STAU2: variants seen among roughly 807,000 people sequenced by gnomAD.
STAU2 encodes the protein staufen double-stranded RNA binding protein 2, also known as double-stranded RNA-binding protein Staufen homolog 2.
A neutral mutation model predicts 65.9 loss-of-function variants in STAU2; 20 were observed. The ratio of observed to expected loss-of-function variants is 0.30; its 90% CI spans 0.21 to 0.44. The LOEUF (loss-of-function observed/expected upper bound fraction) is 0.44, where lower values mean the gene tolerates loss of function less well. Among genes scored for constraint, STAU2 ranks in the 20% least tolerant of loss-of-function variants. The probability of loss-of-function intolerance (pLI) is 1.00; values close to 1 mark genes in which losing one functional copy is unlikely to be tolerated. For missense variants in STAU2, 558 were observed against 683.9 expected, an observed-to-expected ratio of 0.82 and a Z score of 2.05; for synonymous variants, 232 against 233.9, an observed-to-expected ratio of 0.99 and a Z score of 0.07.
At chr8:73,626,240 T>C (rs1420276423) in intron 6 of STAU2, among the ~76,000 whole-genome samples, 2 of 152,170 alleles carry the variant, frequency 1.3e-5, no homozygotes, top group South Asian at 2.1e-4. Context: ...GGCATGGAAA[T>C]GCCAGAAAGA....
chr8:73,601,910 C>A (rs1811656166), intron 10 of STAU2, among the ~76,000 whole-genome samples: 1 of 151,966 alleles, frequency 6.6e-6, no homozygotes, highest in Non-Finnish European at 1.5e-5. Context: ...AGTATATGTT[C>A]CAGAATTCTT....
intron 13 of STAU2, among the ~76,000 whole-genome samples, chr8:73,512,116 T>C (rs933361999): frequency 1.3e-5 from 2 of 152,234 alleles, no homozygotes; most frequent in African/African-American, 2.4e-5. Flanking sequence ...GATCTACATG[T>C]CTATCCTTAA....
rs138246870 is a variant in STAU2, at chr8:73,617,934, G to C, written c.411-483C>G. ...AGCAGATTCAGCATAAGAATAAGGA[G>C]TTTAGGCCAGTTCTTAAGCAGGAAG... On this transcript the variant is annotated intron_variant, in intron 6 of 14. Coordinates refer to ENST00000524300, the MANE Select transcript of STAU2 (RefSeq NM_001164380.2). Among the ~76,000 whole-genome samples the C allele has an allele frequency of 1.3e-3, 191 of 152,302 alleles. 2 individuals carry two copies. The highest frequency in any genetic ancestry group is 4.0e-3 in the African/African-American group (167 of 41,544).
chr8:73,519,170 G>A (rs1209268838), intron 13 of STAU2, among the ~76,000 whole-genome samples: 4 of 152,160 alleles, frequency 2.6e-5, no homozygotes, highest in South Asian at 2.1e-4. Context: ...AAGCAAAGCC[G>A]CTGAAGTTCA....
intron 13 of STAU2, among the ~76,000 whole-genome samples, chr8:73,471,848 G>A (rs1178172065): frequency 4.1e-5 from 6 of 144,764 alleles, no homozygotes; most frequent in South Asian, 2.1e-4. Flanking sequence ...GAGAGAAGAA[G>A]GAGAAGGAGA....
rs202063687 is a variant in STAU2 at position 73,552,351 on chromosome 8, A to C, written c.1223-32T>G. Reference sequence around the variant, plus strand: ...ATAAAATGAAGAACACTGTTATTACACTTAAAATAACCGAAATAGAAACAT... The same window carrying C: ...ATAAAATGAAGAACACTGTTATTACCCTTAAAATAACCGAAATAGAAACAT... On this transcript the variant is annotated intron_variant, in intron 12 of 14. Coordinates refer to ENST00000524300, the MANE Select transcript of STAU2 (RefSeq NM_001164380.2). The C allele has an allele frequency of 5.2e-6, 8 of 1,552,108 alleles. No individual in the cohort carries two copies. In the Admixed American group the frequency reaches 1.2e-4, roughly 22 times the overall value.
At chr8:73,747,178 G>T (rs1246145095), upstream of STAU2, 2 of 536,812 alleles carry the variant, frequency 3.7e-6, no homozygotes, top group African/African-American at 2.0e-5. Context: ...CATTCCCGGG[G>T]GGCTTGGGCA....
chr8:73,718,610 T>G (rs1371648086), intron 3 of STAU2, among the ~76,000 whole-genome samples: 1 of 152,224 alleles, frequency 6.6e-6, no homozygotes, highest in African/African-American at 2.4e-5. Context: ...ACTGCAAGTA[T>G]TGGTTTTGGG....
At chr8:73,489,762 G>A (rs1420013740) in intron 13 of STAU2, among the ~76,000 whole-genome samples, 2 of 152,038 alleles carry the variant, frequency 1.3e-5, no homozygotes, top group Non-Finnish European at 2.9e-5. Flanking sequence ...CAAAGGTGGT[G>A]AGCTAATTGT....
chr8:73,617,551 A>G, intron 6 of STAU2, 100 bp from the exon 7 acceptor site: 1 of 1,164,824 alleles, frequency 8.6e-7, no homozygotes, highest in Non-Finnish European at 1.2e-6. Context: ...ATAATGTGCT[A>G]TACTCTTAAT....
At chr8:73,431,729 T>C (rs1817310285) in intron 13 of STAU2, among the ~76,000 whole-genome samples, 1 of 152,236 alleles carries the variant, frequency 6.6e-6, no homozygotes, top group African/African-American at 2.4e-5. Flanking sequence ...TGCCTATTTG[T>C]TGGCCTTGGT....
chr8:73,428,759 G>A (rs1281669035), intron 13 of STAU2, among the ~76,000 whole-genome samples: 1 of 152,170 alleles, frequency 6.6e-6, no homozygotes, highest in Non-Finnish European at 1.5e-5. Context: ...CAAATGACCT[G>A]CTTCACCCAG....
At chr8:73,644,377 TG>T (rs1362652687) in intron 6 of STAU2, among the ~76,000 whole-genome samples, 4 of 151,780 alleles carry the variant, frequency 2.6e-5, no homozygotes, top group Admixed American at 6.6e-5. Flanking sequence ...CCCAGGAGTT[TG>T]GGGCTGCAGT....
chr8:73,557,814 G>A (rs1215529692), intron 12 of STAU2, among the ~76,000 whole-genome samples: 1 of 152,156 alleles, frequency 6.6e-6, no homozygotes, highest in Non-Finnish European at 1.5e-5. Context: ...AAGAGGTCCT[G>A]AACCCATTCT....
At chr8:73,596,423 TA>T (rs1452568465) in intron 10 of STAU2, among the ~76,000 whole-genome samples, 1 of 152,090 alleles carries the variant, frequency 6.6e-6, no homozygotes, top group African/African-American at 2.4e-5. Flanking sequence ...CATACAACTA[TA>T]AAAAGTAAAG....
At chr8:73,554,759 T>C (rs763346680) in intron 12 of STAU2, among the ~76,000 whole-genome samples, 6 of 152,204 alleles carry the variant, frequency 3.9e-5, no homozygotes, top group Admixed American at 3.9e-4. Context: ...TACTTAAAGG[T>C]CTTTCACCAG....
chr8:73,747,369 C>G (rs1200442033), upstream of STAU2: 3 of 1,535,254 alleles, frequency 2.0e-6, no homozygotes, highest in African/African-American at 1.4e-5. Context: ...ACCCTGTGCT[C>G]TGATTCCCCG....
rs561819192 is a variant in STAU2 at position 73,652,187 on chromosome 8, A to C, written c.410+20920T>G. 4 of 152,328 alleles carry C rather than the reference A, an allele frequency of 2.6e-5. No homozygotes were observed. In the East Asian group the frequency reaches 7.7e-4, roughly 29 times the overall value. The allele number at this position is 152,328 out of a possible 1,614,324, so 9.4% of individuals were successfully genotyped here. On this transcript the variant is annotated intron_variant, in intron 6 of 14. Coordinates refer to ENST00000524300, the MANE Select transcript of STAU2 (RefSeq NM_001164380.2). The stretch of plus-strand genomic sequence containing the variant: ...AAGGATTGGAAGGGGGAAAAAAAAG[A>C]AATTATATAAATAAAATTATCAAAC...
intron 6 of STAU2, among the ~76,000 whole-genome samples, chr8:73,650,088 G>T (rs1432857195): frequency 6.6e-6 from 1 of 151,442 alleles, no homozygotes; most frequent in East Asian, 1.9e-4. Context: ...GGTGACACTG[G>T]ACTTCCAGAT....
Sources: allele counts gnomAD v4.1 joint callset (sites outside exome capture counted in the v4.1 genomes callset), GRCh38; gene constraint gnomAD v4.1.1; transcripts MANE v1.5; gene names NCBI Gene and HGNC (gene_info 2026-07-23, HGNC 2026-07-21).